The following KCNN3 variants were observed in gnomAD, a reference collection of about 807,000 sequenced individuals.
The protein encoded by KCNN3 is small conductance calcium-activated potassium channel protein 3.
Under a neutral mutation model 62.9 loss-of-function variants are expected in KCNN3, and 16 were observed. The observed-to-expected ratio is 0.25, with a 90% confidence interval of 0.17 to 0.39. The LOEUF (loss-of-function observed/expected upper bound fraction) is 0.39. Among genes scored for constraint, KCNN3 ranks in the 10% least tolerant of loss-of-function variants. The probability of loss-of-function intolerance (pLI) is 1.00; values close to 1 mark genes in which losing one functional copy is unlikely to be tolerated. For synonymous variants in KCNN3, 370 were observed against 389.2 expected, an observed-to-expected ratio of 0.95 and a Z score of 0.58; for missense variants, 599 against 949.4, an observed-to-expected ratio of 0.63 and a Z score of 4.85.
In KCNN3 at chr1:154,808,022, C is replaced by T. The variant is rs113681787; in HGVS notation, c.1029+14067G>A. ...GTTCAACCTGTACCATAATCTACAC[C>T]CGTCTCCCATCCCCATTCTTACCTC... On this transcript the variant is annotated intron_variant, in intron 2 of 7. Transcript: ENST00000271915. Among the ~76,000 whole-genome samples the T allele has an allele frequency of 1.1e-3, 173 of 152,226 alleles. 1 individual carries two copies. Among genetic ancestry groups the T allele is most frequent in the African/African-American group, 3.6e-3 (149 of 41,528 alleles).
At position 154,869,621 on chromosome 1, in the gene KCNN3, T is replaced by C. The variant is rs1374652315; in HGVS notation, c.344A>G (p.Asn115Ser). 6.2e-7 allele frequency: 1 copy of C among 1,612,666 alleles called. No individual in the cohort carries two copies. Among genetic ancestry groups the C allele is most frequent in the Non-Finnish European group, 8.5e-7 (1 of 1,179,580 alleles). ...PTAFRAPPSSNSTAILHPSSR... is the reference protein window; with the variant it reads ...PTAFRAPPSSSSTAILHPSSR... ...GGAAGGGTGGAGGATGGCGGTGGAG[T>C]TGGACGAAGGGGGGGCCCTGAAAGC... Residue 115 changes from asparagine (N) to serine (S), a missense_variant, in exon 1 of 8, where the codon AAC becomes AGC. Physicochemically the swap from Asn to Ser is conservative, Grantham distance 46 (BLOSUM62 1). Transcript: ENST00000271915. This position sits in a 1 kb window ranked among gnomAD's most constrained non-coding sequence, Gnocchi z 6.1.
intron 2 of KCNN3, among the ~76,000 whole-genome samples, chr1:154,774,015 T>A (rs1432573834): frequency 6.6e-6 from 1 of 152,178 alleles, no homozygotes; most frequent in African/African-American, 2.4e-5. Context: ...GGCTCCATGA[T>A]CCTGGGCAAA....
intron 3 of KCNN3, among the ~76,000 whole-genome samples, chr1:154,770,219 G>C (rs1291985184): frequency 2.6e-5 from 4 of 152,242 alleles, no homozygotes; most frequent in African/African-American, 9.6e-5. Context: ...GGGGCTCTGT[G>C]TGTGAGAAAG....
At chr1:154,751,925 T>C (rs1203676322) in intron 3 of KCNN3, among the ~76,000 whole-genome samples, 1 of 152,122 alleles carries the variant, frequency 6.6e-6, no homozygotes, top group Non-Finnish European at 1.5e-5. Context: ...ATGATGGAGT[T>C]GAGCAACCAC....
At position 154,814,489 on chromosome 1, in the gene KCNN3, C is replaced by T. The variant is rs139167027; in HGVS notation, c.1029+7600G>A. On this transcript the variant is annotated intron_variant, in intron 2 of 7. Coordinates refer to ENST00000271915, the MANE Select transcript of KCNN3 (RefSeq NM_002249.6). ...CTGCTATAAGAGCTGGTGCTAGGTC[C>T]ACTCCTAGAAGGGGCACCCTGGGGT... Among the ~76,000 whole-genome samples the T allele has an allele frequency of 3.0e-3, 463 of 152,290 alleles. 1 individual carries two copies. The highest frequency in any genetic ancestry group is 0.011 in the African/African-American group (444 of 41,560).
intron 2 of KCNN3, among the ~76,000 whole-genome samples, chr1:154,775,567 C>G (rs948391213): frequency 8.4e-5 from 11 of 131,474 alleles, no homozygotes; most frequent in Non-Finnish European, 1.1e-4. Context: ...AGCAGCCAGC[C>G]CCCCACCCAC....
At chr1:154,773,643 G>A (rs1648666444) in intron 2 of KCNN3, among the ~76,000 whole-genome samples, 1 of 152,192 alleles carries the variant, frequency 6.6e-6, no homozygotes, top group Non-Finnish European at 1.5e-5. Flanking sequence ...CTTGGTGTGT[G>A]GGAACCACCC....
chr1:154,830,255 G>A (rs1651328304), intron 1 of KCNN3, among the ~76,000 whole-genome samples: 1 of 152,188 alleles, frequency 6.6e-6, no homozygotes, highest in Admixed American at 6.5e-5. Flanking sequence ...ACAACCCATG[G>A]CCCCATTCTA....
chr1:154,812,921 T>C (rs1650476967), intron 2 of KCNN3, among the ~76,000 whole-genome samples: 1 of 152,194 alleles, frequency 6.6e-6, no homozygotes, highest in African/African-American at 2.4e-5. Context: ...GGTCAGTCAT[T>C]GTTACCAAAA....
intron 2 of KCNN3, among the ~76,000 whole-genome samples, chr1:154,811,785 C>A (rs1650416955): frequency 6.6e-6 from 1 of 152,140 alleles, no homozygotes; most frequent in Admixed American, 6.5e-5. Flanking sequence ...TCAGAATTTT[C>A]TTGATAGCAC....
chr1:154,841,990 G>A (rs1418984319), intron 1 of KCNN3, among the ~76,000 whole-genome samples: 1 of 152,248 alleles, frequency 6.6e-6, no homozygotes, highest in Non-Finnish European at 1.5e-5. Context: ...GTGAGCGAGG[G>A]CACGACAGAG....
In KCNN3 at chr1:154,869,346, G is replaced by T. The variant is rs1230596389; in HGVS notation, c.619C>A (p.Pro207Thr). ...NLIEAETEGQ[P>T]LQLFSPSNPP... is the part of the protein sequence containing the mutation. ...TTGCTAGGGCTGAAAAGCTGGAGGG[G>T]TTGGCCCTCAGTCTCGGCCTCGATG... Residue 207 changes from proline to threonine, a missense_variant, in exon 1 of 8, where the codon CCC becomes ACC. By Grantham distance (38) the Pro-to-Thr change is conservative (BLOSUM62 -1). Transcript: ENST00000271915. The surrounding 1 kb of genome is among the most constrained non-coding windows in gnomAD (Gnocchi z 6.1). 7.4e-6 allele frequency: 12 copies of T among 1,614,006 alleles called. No individual in the cohort carries two copies. The highest frequency in any genetic ancestry group is 8.5e-6 in the Non-Finnish European group (10 of 1,179,926).
At chr1:154,857,202 C>A (rs1300613707) in intron 1 of KCNN3, among the ~76,000 whole-genome samples, 1 of 152,190 alleles carries the variant, frequency 6.6e-6, no homozygotes, top group African/African-American at 2.4e-5. Flanking sequence ...CACTGTTAAC[C>A]CCATTCACAG....
chr1:154,857,010 C>T (rs528788024), intron 1 of KCNN3, among the ~76,000 whole-genome samples: 2 of 152,076 alleles, frequency 1.3e-5, no homozygotes, highest in South Asian at 2.1e-4. Context: ...CATGTGTGTG[C>T]CCTTGTCTCT....
chr1:154,737,723 A>G lies in KCNN3; in HGVS notation c.1449-4579T>C, dbSNP rs949862321. On this transcript the variant is annotated intron_variant, in intron 3 of 7. Transcript: ENST00000271915. ...GGGCTGGAAGATGATAAATCGAGGA[A>G]TTCTCCCAAAAAGCAGAAAAAGACA... 1.7e-4 allele frequency among the ~76,000 whole-genome samples: 26 copies of G among 152,190 alleles called. 1 individual carries two copies.
chr1:154,782,487 T>A (rs1484429263), intron 2 of KCNN3, among the ~76,000 whole-genome samples: 1 of 152,224 alleles, frequency 6.6e-6, no homozygotes, highest in East Asian at 1.9e-4. Flanking sequence ...ATCTCTCTTT[T>A]TCTCTTCTCC....
chr1:154,735,813 T>A (rs745583934), intron 3 of KCNN3, among the ~76,000 whole-genome samples: 22 of 152,124 alleles, frequency 1.4e-4, no homozygotes, highest in Non-Finnish European at 3.1e-4. Context: ...GACCCTATCC[T>A]CAGGCCCTGT....
At chr1:154,846,456 G>GC (rs796364347) in intron 1 of KCNN3, among the ~76,000 whole-genome samples, 5 of 152,300 alleles carry the variant, frequency 3.3e-5, no homozygotes, top group African/African-American at 1.2e-4. Flanking sequence ...AGGAGCGTCT[G>GC]CCCCCCGGGA....
chr1:154,817,560 C>T (rs750449729), intron 2 of KCNN3, among the ~76,000 whole-genome samples: 10 of 152,202 alleles, frequency 6.6e-5, no homozygotes, highest in Non-Finnish European at 1.2e-4. Flanking sequence ...TTGCTAAAGG[C>T]CACCTACACA....
Sources: allele counts gnomAD v4.1 joint callset (sites outside exome capture counted in the v4.1 genomes callset), GRCh38; gene constraint gnomAD v4.1.1; non-coding constraint Gnocchi (gnomAD v3.1); transcripts MANE v1.5; gene names NCBI Gene and HGNC (gene_info 2026-07-23, HGNC 2026-07-21).